Variants in TTI1 observed in about 807,000 individuals in gnomAD.
TTI1 encodes the protein TELO2-interacting protein 1 homolog.
A neutral mutation model predicts 85.4 loss-of-function variants in TTI1; 52 were observed. The ratio of observed to expected loss-of-function variants is 0.61; its 90% CI spans 0.49 to 0.77. The LOEUF is 0.77. Ranked by LOEUF, TTI1 falls within the 30% of genes least tolerant of loss-of-function variation. The probability of loss-of-function intolerance (pLI) is 0.00; values close to 1 mark genes in which losing one functional copy is unlikely to be tolerated. For missense variants in TTI1, 1,173 were observed against 1,296.0 expected (o/e 0.91, Z 1.46); for synonymous variants, 512 against 503.9 (o/e 1.02, Z -0.22).
rs1489430444 is a variant in TTI1, at chr20:38,013,344, A to C, written c.473T>G (p.Leu158Arg). The C allele has an allele frequency of 6.2e-7, 1 of 1,614,012 alleles. No homozygotes were observed. The highest frequency in any genetic ancestry group is 8.5e-7 in the Non-Finnish European group (1 of 1,180,036). Residue 158 changes from leucine to arginine, a missense_variant, in exon 2 of 8, where the codon CTG becomes CGG. By Grantham distance (102) the Leu-to-Arg change is moderately radical. Transcript: ENST00000373447. The stretch of plus-strand genomic sequence containing the variant: ...TTTCTCCTGTTCTGCAAGGCCTAAC[A>C]GTAAAGATACAGCAAATCCTAAACG... ...LPRLGFAVSL[L>R]LGLAEQEKSK...
intron 4 of TTI1, 46 bp downstream of exon 4, chr20:38,002,582 T>C: frequency 6.2e-7 from 1 of 1,607,684 alleles, no homozygotes. Context: ...AGGCCACACC[T>C]TAGTCCTGCT....
chr20:38,022,062 T>C (rs2073778305), intron 1 of TTI1, among the ~76,000 whole-genome samples: 1 of 152,146 alleles, frequency 6.6e-6, no homozygotes, highest in Non-Finnish European at 1.5e-5. Flanking sequence ...CTGCTCAAGG[T>C]GCAAGGCCTG....
chr20:38,006,137 A>G (rs1466818207), intron 3 of TTI1, 60 bp downstream of exon 3: 48 of 1,591,716 alleles, frequency 3.0e-5, no homozygotes, highest in Non-Finnish European at 3.9e-5. Context: ...ATGTTTCACC[A>G]TTTTTACAAT....
At chr20:37,990,661 AG>A (rs1429224484) in intron 7 of TTI1, among the ~76,000 whole-genome samples, 1 of 152,140 alleles carries the variant, frequency 6.6e-6, no homozygotes, top group Non-Finnish European at 1.5e-5. Flanking sequence ...CACGCCTCTG[AG>A]GTGTTCGAGA....
At chr20:38,002,486 T>C (rs1600623493) in intron 4 of TTI1, 142 bp downstream of exon 4, 2 of 1,097,536 alleles carry the variant, frequency 1.8e-6, no homozygotes, top group South Asian at 1.7e-5. Context: ...CACAGACAAA[T>C]TCCTTTTGAT....
chr20:37,988,728 G>A (rs1216830189), intron 7 of TTI1, among the ~76,000 whole-genome samples: 1 of 152,202 alleles, frequency 6.6e-6, no homozygotes, highest in Non-Finnish European at 1.5e-5. Context: ...TGTCTCCTTA[G>A]GAACACGATA....
intron 1 of TTI1, among the ~76,000 whole-genome samples, chr20:38,027,534 GATAACAT>G (rs1291934710): frequency 6.6e-6 from 1 of 152,084 alleles, no homozygotes; most frequent in Non-Finnish European, 1.5e-5. Context: ...AAACCTTACT[GATAACAT>G]AAACAGTTGT....
At chr20:37,999,525 G>T (rs1438752446) in intron 4 of TTI1, among the ~76,000 whole-genome samples, 197 bp from the exon 5 acceptor site, 3 of 152,212 alleles carry the variant, frequency 2.0e-5, no homozygotes, top group African/African-American at 7.2e-5. Context: ...GCCTTTGCAG[G>T]GTTCATGGTC....
At position 38,013,560 on chromosome 20, in the gene TTI1, C is replaced by A. The variant is rs747501623; in HGVS notation, c.257G>T (p.Cys86Phe). The A allele has an allele frequency of 3.7e-6, 6 of 1,614,182 alleles. No homozygotes were observed. The highest frequency in any genetic ancestry group is 3.3e-5 in the Admixed American group (2 of 60,020). ...ECLTFVLSST[C>F]VKEQELLQEL... ...CTGGAGAAGCTCCTGTTCTTTCACACATGTTGAAGAAAGGACAAATGTGAG... is the reference window on the plus strand; with the variant it reads ...CTGGAGAAGCTCCTGTTCTTTCACAAATGTTGAAGAAAGGACAAATGTGAG... Residue 86 changes from cysteine to phenylalanine, a missense_variant, in exon 2 of 8, where the codon TGT (cysteine) becomes TTT (phenylalanine). Physicochemically the swap from Cys to Phe is radical, Grantham distance 205. Coordinates refer to ENST00000373447, the MANE Select transcript of TTI1 (RefSeq NM_001303457.2).
chr20:38,024,338 C>T (rs2073809063), intron 1 of TTI1, among the ~76,000 whole-genome samples: 3 of 152,132 alleles, frequency 2.0e-5, no homozygotes. Flanking sequence ...ATGGAGTAGG[C>T]ATACATTTCC....
At chr20:38,002,572 A>G in intron 4 of TTI1, 56 bp downstream of exon 4, 5 of 1,595,014 alleles carry the variant, frequency 3.1e-6, no homozygotes, top group Non-Finnish European at 3.4e-6. Context: ...ACTGCCAACC[A>G]GGCCACACCT....
At chr20:37,994,089 G>A (rs2073304818) in intron 7 of TTI1, among the ~76,000 whole-genome samples, 1 of 152,200 alleles carries the variant, frequency 6.6e-6, no homozygotes, top group Non-Finnish European at 1.5e-5. Context: ...ATGGATGGCA[G>A]GGCCATGTGC....
intron 7 of TTI1, among the ~76,000 whole-genome samples, chr20:37,995,117 T>C (rs1277071301): frequency 6.6e-6 from 1 of 152,192 alleles, no homozygotes; most frequent in Non-Finnish European, 1.5e-5. Flanking sequence ...AGGACTATTT[T>C]CACCCTAAAT....
chr20:38,009,506 ATTTAT>A (rs1568620033), intron 2 of TTI1, among the ~76,000 whole-genome samples: 1 of 150,076 alleles, frequency 6.7e-6, no homozygotes, highest in Non-Finnish European at 1.5e-5. Flanking sequence ...CTGAATTTTT[ATTTAT>A]TTATTTTTTT....
chr20:38,006,436 A>G, intron 2 of TTI1, 39 bp from the exon 3 acceptor site: 1 of 1,608,872 alleles, frequency 6.2e-7, no homozygotes, highest in Non-Finnish European at 8.5e-7. Flanking sequence ...TTGGCTATTA[A>G]CAACAGGCAT....
At chr20:38,026,653 G>A (rs1165991679) in intron 1 of TTI1, among the ~76,000 whole-genome samples, 3 of 152,138 alleles carry the variant, frequency 2.0e-5, no homozygotes, top group African/African-American at 7.2e-5. Context: ...GTCACCAGCC[G>A]ACTTACTGTA....
At position 38,012,117 on chromosome 20, in the gene TTI1, T is replaced by C. The variant is rs753384136; in HGVS notation, c.1700A>G (p.Gln567Arg). The change falls in exon 2 of 8, where the codon CAA (glutamine) becomes CGA (arginine). Residue 567 changes from glutamine (Q) to arginine (R), a missense_variant. Transcript: ENST00000373447. ...ACAGGTAACCAAATACCAATTTTCT[T>C]GACTTGTGTATTCTTCAAGTATAGA... The part of the protein sequence containing the change: ...VTSILEEYTS[Q>R]ENWYLVTCLE... 2 of 1,614,216 alleles carry C rather than the reference T, an allele frequency of 1.2e-6. No individual in the cohort carries two copies. Among genetic ancestry groups the C allele is most frequent in the Non-Finnish European group, 1.7e-6 (2 of 1,180,044 alleles).
intron 5 of TTI1, among the ~76,000 whole-genome samples, chr20:37,997,698 A>C (rs966206165): frequency 2.0e-5 from 3 of 152,214 alleles, no homozygotes; most frequent in African/African-American, 7.2e-5. Context: ...TTTGCAGAGA[A>C]CAAGGCTCTC....
At chr20:38,033,098 G>A (rs2073940302) in intron 1 of TTI1, among the ~76,000 whole-genome samples, 1 of 152,166 alleles carries the variant, frequency 6.6e-6, no homozygotes, top group South Asian at 2.1e-4. Flanking sequence ...GCTCCGGGGG[G>A]CTGAGTAGGA....
Sources: allele counts gnomAD v4.1 joint callset (sites outside exome capture counted in the v4.1 genomes callset), GRCh38; gene constraint gnomAD v4.1.1; transcripts MANE v1.5; gene names NCBI Gene and HGNC (gene_info 2026-07-23, HGNC 2026-07-21).